FAM81A: variants seen among roughly 807,000 people sequenced by gnomAD.
FAM81A encodes family with sequence similarity 81 member A, also known as protein FAM81A.
A neutral mutation model predicts 46.7 loss-of-function variants in FAM81A; 19 were observed. The ratio of observed to expected loss-of-function variants is 0.41; its 90% CI spans 0.28 to 0.60. FAM81A has a LOEUF of 0.60. Among genes scored for constraint, FAM81A ranks in the 20% least tolerant of loss-of-function variants. The pLI, the probability that FAM81A is intolerant of heterozygous loss-of-function variation, is 0.34. For synonymous variants in FAM81A, 183 were observed against 152.9 expected (o/e 1.20, Z -1.45); for missense variants, 377 against 453.5 (o/e 0.83, Z 1.53).
intron 4 of FAM81A, 80 bp from the exon 5 acceptor site, chr15:59,507,133 C>T (rs2082157614): frequency 2.0e-6 from 3 of 1,496,230 alleles, no homozygotes; most frequent in Admixed American, 2.3e-5. Flanking sequence ...GTGGGTTTTG[C>T]ATTTCAGAGT....
At chr15:59,484,889 C>T (rs1245006787) in intron 3 of FAM81A, among the ~76,000 whole-genome samples, 1 of 152,088 alleles carries the variant, frequency 6.6e-6, no homozygotes, top group African/African-American at 2.4e-5. Context: ...TAAAGGCGGG[C>T]CCGCTGCTCT....
At chr15:59,492,587 G>C (rs917489946) in intron 4 of FAM81A, among the ~76,000 whole-genome samples, 198 bp downstream of exon 4, 2 of 152,074 alleles carry the variant, frequency 1.3e-5, no homozygotes, top group African/African-American at 4.8e-5. Context: ...CTTTTGTTAC[G>C]CAATTGGTGT....
At chr15:59,432,949 CA>C (rs1334178062) in intron 2 of FAM81A, among the ~76,000 whole-genome samples, 3 of 143,006 alleles carry the variant, frequency 2.1e-5, no homozygotes, top group African/African-American at 7.8e-5. Flanking sequence ...TCCTCCCTAA[CA>C]CGGTGAAACC....
At position 59,438,215 on chromosome 15, in the gene FAM81A, A is replaced by C. The variant is rs1215939187; in HGVS notation, c.-145A>C. The stretch of plus-strand genomic sequence containing the variant: ...CCGGGCGCCCTGCTCAGCCAGCGCC[A>C]GCGGCCGCCGCACCCAGCCGCGCCG... On this transcript the variant is annotated 5_prime_UTR_variant, in exon 1 of 9. Transcript: ENST00000288228. The C allele has an allele frequency of 2.0e-5, 3 of 147,214 alleles. No individual in the cohort carries two copies. The highest frequency in any genetic ancestry group is 3.0e-5 in the Non-Finnish European group (2 of 66,214). 9.1% of individuals were successfully genotyped at this position (147,214 alleles called of 1,614,324 possible). A position where few individuals can be genotyped will look rare whatever the true frequency, so the allele number is the denominator to read the frequency against.
chr15:59,484,328 A>G (rs868070404), intron 3 of FAM81A, among the ~76,000 whole-genome samples: 7 of 152,236 alleles, frequency 4.6e-5, no homozygotes, highest in Non-Finnish European at 5.9e-5. Flanking sequence ...AGCCTCCACC[A>G]ATTGTCCTCC....
intron 1 of FAM81A, among the ~76,000 whole-genome samples, chr15:59,442,514 G>T (rs2081309574): frequency 1.3e-5 from 2 of 151,254 alleles, no homozygotes; most frequent in African/African-American, 4.9e-5. Context: ...CTACTCAGGA[G>T]GCTGAGGCAG....
chr15:59,411,107 A>G (rs2081118557), intron 2 of FAM81A, among the ~76,000 whole-genome samples: 1 of 152,180 alleles, frequency 6.6e-6, no homozygotes. Flanking sequence ...TTTGAACATT[A>G]TGTTAAAGTA....
At chr15:59,464,780 G>C (rs1242105267) in intron 3 of FAM81A, among the ~76,000 whole-genome samples, 1 of 152,032 alleles carries the variant, frequency 6.6e-6, no homozygotes, top group Non-Finnish European at 1.5e-5. Context: ...TTCACTTTGT[G>C]GATTGCTTCC....
At chr15:59,518,645 A>G (rs1423646634) in intron 8 of FAM81A, among the ~76,000 whole-genome samples, 1 of 152,116 alleles carries the variant, frequency 6.6e-6, no homozygotes, top group Non-Finnish European at 1.5e-5. Flanking sequence ...ATTTCAGTGT[A>G]TATATCCTAA....
intron 1 of FAM81A, chr15:59,444,438 G>C (rs1301495578): frequency 6.6e-6 from 1 of 152,156 alleles, no homozygotes; most frequent in Non-Finnish European, 1.5e-5. Context: ...TATGTGTCAA[G>C]ACAAAGAAAG....
chr15:59,459,365 T>G (rs1386886595), intron 2 of FAM81A, among the ~76,000 whole-genome samples: 1 of 152,198 alleles, frequency 6.6e-6, no homozygotes, highest in African/African-American at 2.4e-5. Flanking sequence ...AGTCGGGATT[T>G]GCTAGCTTTT....
chr15:59,438,160 G>T (rs1397264267), upstream of FAM81A: 1 of 146,270 alleles, frequency 6.8e-6, no homozygotes, highest in Non-Finnish European at 1.5e-5. Flanking sequence ...GCGCTGATTG[G>T]ACGGCGCTCC....
At chr15:59,519,159 C>T (rs2082299690) in intron 8 of FAM81A, among the ~76,000 whole-genome samples, 1 of 151,948 alleles carries the variant, frequency 6.6e-6, no homozygotes, top group Admixed American at 6.6e-5. Flanking sequence ...TTGGCAACCA[C>T]CATTTTATTC....
chr15:59,455,149 C>T (rs1488234760), intron 1 of FAM81A, among the ~76,000 whole-genome samples: 1 of 151,744 alleles, frequency 6.6e-6, no homozygotes, highest in South Asian at 2.1e-4. Flanking sequence ...CATCCACTTA[C>T]CTCAACCTCC....
intron 3 of FAM81A, among the ~76,000 whole-genome samples, chr15:59,479,904 C>T (rs2081828255): frequency 6.6e-6 from 1 of 152,176 alleles, no homozygotes; most frequent in South Asian, 2.1e-4. Context: ...CAGATAAAAG[C>T]CCTTGTCCTT....
intron 2 of FAM81A, chr15:59,402,386 T>C (rs1239776814): frequency 6.5e-6 from 1 of 153,036 alleles, no homozygotes; most frequent in Admixed American, 6.5e-5. Flanking sequence ...GGGGAGAGTC[T>C]GCTTGTATTC....
intron 8 of FAM81A, among the ~76,000 whole-genome samples, chr15:59,517,077 C>T (rs1381680872): frequency 6.6e-6 from 1 of 152,090 alleles, no homozygotes; most frequent in Non-Finnish European, 1.5e-5. Flanking sequence ...ATTGCTTAGC[C>T]TGCAACTGAG....
chr15:59,418,466 C>T (rs2081156540), intron 2 of FAM81A, among the ~76,000 whole-genome samples: 1 of 152,180 alleles, frequency 6.6e-6, no homozygotes, highest in South Asian at 2.1e-4. Context: ...AATCCATTCT[C>T]CCCAAAAGTA....
chr15:59,442,179 C>T (rs748111392), intron 1 of FAM81A, among the ~76,000 whole-genome samples: 2 of 152,178 alleles, frequency 1.3e-5, no homozygotes, highest in Non-Finnish European at 2.9e-5. Context: ...ATTTTGGGCC[C>T]TGAGCTGTTG....
Sources: gnomAD v4.1 joint callset for allele counts (sites outside exome capture counted in the v4.1 genomes callset) on GRCh38, gnomAD v4.1.1 for gene constraint, MANE v1.5 for transcripts, NCBI Gene and HGNC (gene_info 2026-07-23, HGNC 2026-07-21) for gene names.